ERC2: variants seen among roughly 807,000 people sequenced by gnomAD.
The protein encoded by ERC2 is ERC protein 2.
A neutral mutation model predicts 114.8 loss-of-function variants in ERC2; 42 were observed. That is an observed-to-expected ratio of 0.37 (90% CI 0.29 to 0.47). The LOEUF (loss-of-function observed/expected upper bound fraction) is 0.47. ERC2 is among the 20% of genes least tolerant of loss of function. The pLI is 0.99. For missense variants in ERC2, 939 were observed against 1,150.7 expected (o/e 0.82, Z 2.66); for synonymous variants, 454 against 425.5 (o/e 1.07, Z -0.82).
At chr3:55,518,928 A>T (rs568370903) in intron 17 of ERC2, among the ~76,000 whole-genome samples, 1 of 152,220 alleles carries the variant, frequency 6.6e-6, no homozygotes, top group Non-Finnish European at 1.5e-5. Flanking sequence ...GGTTTGGAAT[A>T]CAATTTCTAA....
chr3:56,028,683 T>C (rs2074194242), intron 7 of ERC2, among the ~76,000 whole-genome samples: 1 of 152,138 alleles, frequency 6.6e-6, no homozygotes, highest in South Asian at 2.1e-4. Context: ...TGAAGTCACT[T>C]ACTAGTTCTG....
At chr3:56,139,261 A>G (rs1223633247) in intron 6 of ERC2, among the ~76,000 whole-genome samples, 1 of 152,258 alleles carries the variant, frequency 6.6e-6, no homozygotes. Flanking sequence ...CCCACTTAGT[A>G]TAAGAAATTT....
At chr3:56,275,991 A>T (rs2053964876) in intron 3 of ERC2, among the ~76,000 whole-genome samples, 1 of 152,196 alleles carries the variant, frequency 6.6e-6, no homozygotes, top group African/African-American at 2.4e-5. Flanking sequence ...GCCTGAGTTC[A>T]TTTAGACTTC....
chr3:55,918,206 C>T (rs773845929), intron 13 of ERC2, among the ~76,000 whole-genome samples: 3 of 151,924 alleles, frequency 2.0e-5, no homozygotes, highest in Non-Finnish European at 4.4e-5. Context: ...TTTCTAGCTA[C>T]AATGTAATCT....
intron 13 of ERC2, among the ~76,000 whole-genome samples, chr3:55,897,825 G>C (rs1344785047): frequency 6.6e-6 from 1 of 152,132 alleles, no homozygotes; most frequent in African/African-American, 2.4e-5. Context: ...TTTTGGAAAA[G>C]GTTGAAACTG....
intron 5 of ERC2, among the ~76,000 whole-genome samples, chr3:56,146,093 C>T (rs1274091992): frequency 6.6e-6 from 1 of 152,008 alleles, no homozygotes; most frequent in Non-Finnish European, 1.5e-5. Flanking sequence ...TTGAGACCAG[C>T]CTGACCAACA....
At chr3:56,390,799 C>A (rs1381809108) in intron 2 of ERC2, among the ~76,000 whole-genome samples, 1 of 152,080 alleles carries the variant, frequency 6.6e-6, no homozygotes, top group Admixed American at 6.5e-5. Context: ...CAGAATATTA[C>A]CCAATGCTTT....
chr3:56,064,643 C>A (rs2076390051), intron 7 of ERC2, among the ~76,000 whole-genome samples: 1 of 152,174 alleles, frequency 6.6e-6, no homozygotes, highest in South Asian at 2.1e-4. Flanking sequence ...CTGAGGCAAA[C>A]AGTAAATATA....
intron 6 of ERC2, among the ~76,000 whole-genome samples, chr3:56,118,586 C>T (rs9816212): frequency 0.054 from 8,169 of 151,410 alleles, 640 homozygotes; most frequent in African/African-American, 0.17. Flanking sequence ...CTTATGCCTA[C>T]GTAGTATAAT....
At chr3:56,027,950 T>C (rs1485919549) in intron 7 of ERC2, among the ~76,000 whole-genome samples, 2 of 152,212 alleles carry the variant, frequency 1.3e-5, no homozygotes, top group Non-Finnish European at 1.5e-5. Flanking sequence ...GTACATGATC[T>C]ACTTTTTGTT....
At chr3:56,281,682 G>C (rs1203002682) in intron 3 of ERC2, among the ~76,000 whole-genome samples, 1 of 152,064 alleles carries the variant, frequency 6.6e-6, no homozygotes, top group Non-Finnish European at 1.5e-5. Flanking sequence ...CATTTATTGT[G>C]CACCTACTAA....
intron 12 of ERC2, among the ~76,000 whole-genome samples, chr3:55,957,428 A>G (rs774218493): frequency 3.3e-5 from 5 of 152,206 alleles, no homozygotes; most frequent in Non-Finnish European, 7.3e-5. Flanking sequence ...TAAGGCTCTT[A>G]AAATAGTTCC....
At chr3:55,790,478 C>G (rs764019831) in intron 14 of ERC2, among the ~76,000 whole-genome samples, 5 of 152,174 alleles carry the variant, frequency 3.3e-5, no homozygotes, top group Non-Finnish European at 5.9e-5. Context: ...AGAGTCCTAC[C>G]GTTGACACCA....
intron 15 of ERC2, among the ~76,000 whole-genome samples, chr3:55,728,706 T>G (rs1487627254): frequency 6.6e-6 from 1 of 152,162 alleles, no homozygotes; most frequent in African/African-American, 2.4e-5. Flanking sequence ...CTTCTTCTCC[T>G]AGGCACAGGC....
At chr3:56,177,025 T>C (rs766511454) in intron 3 of ERC2, among the ~76,000 whole-genome samples, 24 of 152,272 alleles carry the variant, frequency 1.6e-4, no homozygotes, top group African/African-American at 3.6e-4. Context: ...AGCCTCAAGA[T>C]AGAAAAAGCC....
intron 8 of ERC2, among the ~76,000 whole-genome samples, chr3:56,016,606 T>TATAG (rs2073329722): frequency 6.6e-6 from 1 of 152,020 alleles, no homozygotes; most frequent in African/African-American, 2.4e-5. Flanking sequence ...ATTTGGTAGG[T>TATAG]ATAGATGGGG....
intron 2 of ERC2, among the ~76,000 whole-genome samples, chr3:56,339,284 A>G (rs1419146402): frequency 1.3e-5 from 2 of 152,098 alleles, no homozygotes; most frequent in Non-Finnish European, 2.9e-5. Flanking sequence ...GATGAGAGGG[A>G]AGTGTTAGGG....
intron 1 of ERC2, among the ~76,000 whole-genome samples, chr3:56,443,913 G>A (rs2062436538): frequency 1.4e-5 from 2 of 148,116 alleles, no homozygotes; most frequent in Admixed American, 1.3e-4. Flanking sequence ...GCCAAGACAG[G>A]TTCAGTCATT....
At chr3:55,818,573 T>C (rs1559705330) in intron 14 of ERC2, among the ~76,000 whole-genome samples, 1 of 152,188 alleles carries the variant, frequency 6.6e-6, no homozygotes, top group East Asian at 1.9e-4. Flanking sequence ...AGGTGTGAAC[T>C]CTCACTGGCT....
Sources: gnomAD v4.1 joint callset for allele counts (sites outside exome capture counted in the v4.1 genomes callset) on GRCh38, gnomAD v4.1.1 for gene constraint, MANE v1.5 for transcripts, NCBI Gene and HGNC (gene_info 2026-07-23, HGNC 2026-07-21) for gene names.